The following UPF2 variants were observed in gnomAD, a reference collection of about 807,000 sequenced individuals.
The protein encoded by UPF2 is UPF2 regulator of nonsense mediated mRNA decay.
Under a neutral mutation model 141.4 loss-of-function variants are expected in UPF2, and 17 were observed. That is an observed-to-expected ratio of 0.12 (90% CI 0.08 to 0.18). The LOEUF (loss-of-function observed/expected upper bound fraction) is 0.18, where lower values mean the gene tolerates loss of function less well. UPF2 is among the 10% of genes least tolerant of loss of function. The probability of loss-of-function intolerance (pLI) is 1.00; values close to 1 mark genes in which losing one functional copy is unlikely to be tolerated. For synonymous variants in UPF2, 540 were observed against 498.0 expected, an observed-to-expected ratio of 1.08 and a Z score of -1.12; for missense variants, 1,152 against 1,515.9, an observed-to-expected ratio of 0.76 and a Z score of 3.99.
intron 14 of UPF2, among the ~76,000 whole-genome samples, chr10:11,952,929 T>C (rs1295382061): frequency 6.6e-6 from 1 of 152,204 alleles, no homozygotes; most frequent in Non-Finnish European, 1.5e-5. Flanking sequence ...ATCGTTGTGA[T>C]AATGTTCATT....
At chr10:12,005,648 A>G (rs1834023137) in intron 4 of UPF2, among the ~76,000 whole-genome samples, 1 of 152,154 alleles carries the variant, frequency 6.6e-6, no homozygotes, top group African/African-American at 2.4e-5. Flanking sequence ...AGCTCACTGC[A>G]ACCTCCACCT....
Position 12,013,905 on chromosome 10 carries a change from T to C in UPF2, c.1306+119A>G, listed in dbSNP as rs965608677. On this transcript the variant is annotated intron_variant, in intron 4 of 21. Coordinates refer to ENST00000357604, the MANE Select transcript of UPF2 (RefSeq NM_015542.4). ...ATGAGCCACCATGCTTGGCCCATTTTGAAAATGTTGACGCCATTTTAAAAA... is the reference window on the plus strand; with the variant it reads ...ATGAGCCACCATGCTTGGCCCATTTCGAAAATGTTGACGCCATTTTAAAAA... 64 of 1,081,638 alleles carry C rather than the reference T, an allele frequency of 5.9e-5. 1 individual carries two copies. Among genetic ancestry groups the C allele is most frequent in the Non-Finnish European group, 7.5e-5 (62 of 821,238 alleles). The allele number at this position is 1,081,638 out of a possible 1,614,324, so 67.0% of individuals were successfully genotyped here. A position where few individuals can be genotyped will look rare whatever the true frequency, so the allele number is the denominator to read the frequency against.
At chr10:12,034,455 TG>T (rs1834585478) in intron 2 of UPF2, among the ~76,000 whole-genome samples, 1 of 151,858 alleles carries the variant, frequency 6.6e-6, no homozygotes. Flanking sequence ...CCTGAGTAAC[TG>T]GGACTACAGG....
intron 8 of UPF2, among the ~76,000 whole-genome samples, chr10:11,983,325 G>C (rs1342390055): frequency 1.3e-5 from 2 of 152,124 alleles, no homozygotes; most frequent in South Asian, 4.1e-4. Context: ...CTATGTTAGA[G>C]TATCCTTCCA....
At chr10:11,971,505 G>A (rs1176287886) in intron 9 of UPF2, among the ~76,000 whole-genome samples, 1 of 152,074 alleles carries the variant, frequency 6.6e-6, no homozygotes, top group Admixed American at 6.6e-5. Flanking sequence ...GCCCACCTCG[G>A]CCACCCAAAG....
intron 4 of UPF2, among the ~76,000 whole-genome samples, chr10:12,006,458 G>C (rs1293510570): frequency 5.3e-5 from 8 of 152,088 alleles, no homozygotes; most frequent in Non-Finnish European, 1.5e-5. Context: ...CCGTAAGTTA[G>C]ATTATTCATT....
intron 4 of UPF2, 70 bp from the exon 5 acceptor site, chr10:12,004,797 A>AT (rs1263693590): frequency 6.8e-7 from 1 of 1,469,804 alleles, no homozygotes; most frequent in Admixed American, 2.1e-5. Context: ...GACATAAGTT[A>AT]TTTTTTCAGT....
At chr10:11,971,346 C>T (rs558521681) in intron 9 of UPF2, among the ~76,000 whole-genome samples, 1 of 152,058 alleles carries the variant, frequency 6.6e-6, no homozygotes, top group East Asian at 1.9e-4. Flanking sequence ...CCTCCGCCTC[C>T]CGGGTTCAAG....
At chr10:11,987,136 A>G (rs1480488194) in intron 8 of UPF2, among the ~76,000 whole-genome samples, 1 of 152,226 alleles carries the variant, frequency 6.6e-6, no homozygotes, top group African/African-American at 2.4e-5. Context: ...TGGGAATGTC[A>G]TATATCTTGA....
At chr10:11,967,626 T>G (rs1833343248) in intron 9 of UPF2, among the ~76,000 whole-genome samples, 172 bp from the exon 10 acceptor site, 1 of 147,900 alleles carries the variant, frequency 6.8e-6, no homozygotes, top group Non-Finnish European at 1.5e-5. Flanking sequence ...CTTGGCTCAC[T>G]GCAACCTCCG....
intron 3 of UPF2, among the ~76,000 whole-genome samples, chr10:12,020,017 G>A (rs1834289800): frequency 6.6e-6 from 1 of 151,990 alleles, no homozygotes; most frequent in Non-Finnish European, 1.5e-5. Context: ...GAGCCACCAC[G>A]CCCAGTTGAA....
intron 9 of UPF2, among the ~76,000 whole-genome samples, chr10:11,973,901 G>A (rs1396434911): frequency 6.6e-6 from 1 of 152,180 alleles, no homozygotes; most frequent in African/African-American, 2.4e-5. Flanking sequence ...CTTTCAAGTA[G>A]TTTTTTCCAA....
chr10:11,928,920 C>T (rs1309822925), intron 21 of UPF2, among the ~76,000 whole-genome samples: 1 of 152,132 alleles, frequency 6.6e-6, no homozygotes, highest in Non-Finnish European at 1.5e-5. Context: ...GAGGCCAAGG[C>T]GGGCAATCAC....
Position 12,019,085 on chromosome 10 carries a change from G to A in UPF2, c.1146-4901C>T, listed in dbSNP as rs74960493. 3.0e-4 allele frequency among the ~76,000 whole-genome samples: 46 copies of A among 152,106 alleles called. No individual in the cohort carries two copies. The highest frequency in any genetic ancestry group is 1.0e-3 in the African/African-American group (43 of 41,488). On this transcript the variant is annotated intron_variant, in intron 3 of 21. Coordinates refer to ENST00000357604, the MANE Select transcript of UPF2 (RefSeq NM_015542.4). This position sits in a 1 kb window ranked among gnomAD's most constrained non-coding sequence, Gnocchi z 4.5. ...GATTTCATCACATATTTTAATTATT[G>A]CCTTTTTAGAAATACATCAATTACA...
At position 11,956,510 on chromosome 10, in the gene UPF2, A is replaced by G; in HGVS notation, c.2384T>C (p.Met795Thr). ...TTGGTCCTGCCAGGGCAGCTTTCGC[A>G]TCTGTCTCAAAACCTAAAAAAAGAG... ...KVTTEKVLRQ[M>T]RKLPWQDQEV... The change falls in exon 13 of 22, where the codon ATG becomes ACG. Residue 795 changes from methionine (M) to threonine (T), a missense_variant. Coordinates refer to ENST00000357604, the MANE Select transcript of UPF2 (RefSeq NM_015542.4). The surrounding 1 kb of genome is among the most constrained non-coding windows in gnomAD (Gnocchi z 4.2). The G allele has an allele frequency of 2.5e-6, 4 of 1,613,636 alleles. No homozygotes were observed. Among genetic ancestry groups the G allele is most frequent in the Non-Finnish European group, 3.4e-6 (4 of 1,179,854 alleles).
At chr10:12,023,886 G>A (rs1357323281) in intron 3 of UPF2, among the ~76,000 whole-genome samples, 7 of 151,738 alleles carry the variant, frequency 4.6e-5, no homozygotes, top group Admixed American at 4.6e-4. Context: ...CAGCTACTCA[G>A]GAGGTTGATG....
At chr10:12,023,510 T>TAAAAAAA (rs762703531) in intron 3 of UPF2, among the ~76,000 whole-genome samples, 22,741 of 115,440 alleles carry the variant, frequency 0.2, 2,216 homozygotes, top group East Asian at 0.42. Context: ...CTGTCTCTAC[T>TAAAAAAA]AAAAAAAAAA....
intron 16 of UPF2, among the ~76,000 whole-genome samples, chr10:11,945,076 C>T (rs1832984160): frequency 1.3e-5 from 2 of 152,228 alleles, no homozygotes; most frequent in Admixed American, 1.3e-4. Context: ...ATAACTATTA[C>T]TGCTATTATA....
chr10:12,004,986 T>A (rs188237728), intron 4 of UPF2, among the ~76,000 whole-genome samples: 1 of 152,128 alleles, frequency 6.6e-6, no homozygotes, highest in Admixed American at 6.5e-5. Flanking sequence ...GCAATTAATA[T>A]GAGATTAAGT....
Sources: allele counts gnomAD v4.1 joint callset (sites outside exome capture counted in the v4.1 genomes callset), GRCh38; gene constraint gnomAD v4.1.1; non-coding constraint Gnocchi (gnomAD v3.1); transcripts MANE v1.5; gene names NCBI Gene and HGNC (gene_info 2026-07-23, HGNC 2026-07-21).